The following DACH2 variants were observed in gnomAD, a reference collection of about 807,000 sequenced individuals.
DACH2 encodes the protein dachshund homolog 2.
DACH2 carries 17 observed loss-of-function variants against 35.8 expected under a neutral mutation model. The ratio of observed to expected loss-of-function variants is 0.48; its 90% CI spans 0.33 to 0.71. DACH2 has a LOEUF of 0.71. Among genes scored for constraint, DACH2 ranks in the 30% least tolerant of loss-of-function variants. The pLI is 0.02. For synonymous variants in DACH2, 195 were observed against 177.3 expected (o/e 1.10, Z -0.79); for missense variants, 469 against 472.7 (o/e 0.99, Z 0.07).
chrX:86,241,970 C>T (rs776050771), intron 1 of DACH2, among the ~76,000 whole-genome samples: 2 of 112,736 alleles, frequency 1.8e-5, no homozygotes, highest in Admixed American at 9.3e-5. Flanking sequence ...TCAGAGGATG[C>T]ATGGAAACAT....
At chrX:86,572,840 G>GT (rs2039388627) in intron 3 of DACH2, among the ~76,000 whole-genome samples, 1 of 111,016 alleles carries the variant, frequency 9.0e-6, no homozygotes. Context: ...CAGGAAGCTC[G>GT]TTTTTTTCAG....
intron 7 of DACH2, among the ~76,000 whole-genome samples, chrX:86,770,630 G>A (rs2041979428): frequency 8.9e-6 from 1 of 112,097 alleles, no homozygotes; most frequent in African/African-American, 3.2e-5. Flanking sequence ...TGACAAGGTT[G>A]AACTTTCAAA....
intron 3 of DACH2, among the ~76,000 whole-genome samples, chrX:86,601,921 C>A (rs1201885781): frequency 8.9e-6 from 1 of 111,803 alleles, no homozygotes; most frequent in Non-Finnish European, 1.9e-5. Flanking sequence ...TTAGAGTATA[C>A]CATTCTATAG....
chrX:86,248,003 A>G, intron 1 of DACH2, among the ~76,000 whole-genome samples: 1 of 111,104 alleles, frequency 9.0e-6, no homozygotes, highest in East Asian at 2.8e-4. Flanking sequence ...CCTTCATGAT[A>G]AAACTCTCAA....
In DACH2 at chrX:86,546,434, C is replaced by T. The variant is rs867764464; in HGVS notation, c.640+32043C>T. Among the ~76,000 whole-genome samples the T allele has an allele frequency of 3.3e-3, 93 of 28,440 alleles. 1 individual carries two copies. The highest frequency in any genetic ancestry group is 0.011 in the African/African-American group (84 of 7,623). The allele number at this position is 28,440 out of a possible 115,157, so 24.7% of individuals were successfully genotyped here. On this transcript the variant is annotated intron_variant, in intron 3 of 11. Coordinates refer to ENST00000373125, the MANE Select transcript of DACH2 (RefSeq NM_053281.3). Reference sequence around the variant, plus strand: ...TTCTTCTTCTTTCTTCTTCTTCTTCCTCTTCTTCTTCTTCCTCTTCCTCTT... The same window carrying T: ...TTCTTCTTCTTTCTTCTTCTTCTTCTTCTTCTTCTTCTTCCTCTTCCTCTT...
At chrX:86,638,647 A>G (rs1481065756) in intron 3 of DACH2, among the ~76,000 whole-genome samples, 2 of 112,476 alleles carry the variant, frequency 1.8e-5, no homozygotes, top group African/African-American at 6.5e-5. Context: ...GCAAACAAGC[A>G]TGTGAAAAAA....
At chrX:86,577,580 G>T in intron 3 of DACH2, among the ~76,000 whole-genome samples, 1 of 111,511 alleles carries the variant, frequency 9.0e-6, no homozygotes. Context: ...GGTCTTTAAT[G>T]ATTTCCTGGC....
At chrX:86,804,204 G>GCAT (rs1197960912) in intron 7 of DACH2, among the ~76,000 whole-genome samples, 1 of 111,633 alleles carries the variant, frequency 9.0e-6, no homozygotes, top group Non-Finnish European at 1.9e-5. Flanking sequence ...TATGATACTG[G>GCAT]CATCTGCTCA....
chrX:86,779,953 G>A (rs1010941014), intron 7 of DACH2, among the ~76,000 whole-genome samples: 6 of 110,792 alleles, frequency 5.4e-5, no homozygotes, highest in African/African-American at 2.0e-4. Flanking sequence ...CATGGACTAG[G>A]AACATCTCAT....
At chrX:86,552,114 G>A (rs1490128367) in intron 3 of DACH2, among the ~76,000 whole-genome samples, 4 of 111,337 alleles carry the variant, frequency 3.6e-5, no homozygotes, top group Non-Finnish European at 7.5e-5. Context: ...TGAGTGTCTT[G>A]GGGTTTCACA....
At chrX:86,658,735 T>C (rs1308480498) in intron 4 of DACH2, among the ~76,000 whole-genome samples, 1 of 111,851 alleles carries the variant, frequency 8.9e-6, no homozygotes, top group Non-Finnish European at 1.9e-5. Context: ...AAATTAGAAA[T>C]ATAGTTATAC....
intron 3 of DACH2, among the ~76,000 whole-genome samples, chrX:86,526,780 A>G (rs2038639834): frequency 9.1e-6 from 1 of 110,443 alleles, no homozygotes; most frequent in Non-Finnish European, 1.9e-5. Flanking sequence ...CATGATTAGT[A>G]GAAATGAAAA....
chrX:86,533,037 T>TTTATTTATTTATTTATTTATTTA (rs1569430903), intron 3 of DACH2, among the ~76,000 whole-genome samples: 85 of 111,164 alleles, frequency 7.6e-4, no homozygotes, highest in African/African-American at 2.7e-3. Flanking sequence ...ACTTACATTG[T>TTTATTTATTTATTTATTTATTTA]TTTATTTATT....
At chrX:86,556,785 TATATATATATAGAGAGAGAGAGAG>T (rs1234643146) in intron 3 of DACH2, among the ~76,000 whole-genome samples, 7 of 47,221 alleles carry the variant, frequency 1.5e-4, no homozygotes, top group African/African-American at 6.1e-4. Flanking sequence ...TATATATATA[TATATATATATAGAGAGAGAGAGAG>T]AGAGAGAGAG....
intron 1 of DACH2, among the ~76,000 whole-genome samples, chrX:86,158,309 G>A (rs188502690): frequency 5.4e-5 from 6 of 111,137 alleles, no homozygotes; most frequent in Non-Finnish European, 1.1e-4. Flanking sequence ...GTGTATGTGT[G>A]TTTTGTTTTT....
At chrX:86,724,156 T>A (rs1770162203) in intron 6 of DACH2, among the ~76,000 whole-genome samples, 1 of 111,744 alleles carries the variant, frequency 8.9e-6, no homozygotes, top group African/African-American at 3.2e-5. Context: ...ATGTTTTTTA[T>A]TCCTTTTAAT....
At chrX:86,639,230 C>T (rs746289986) in intron 3 of DACH2, among the ~76,000 whole-genome samples, 2 of 111,539 alleles carry the variant, frequency 1.8e-5, no homozygotes, top group African/African-American at 3.3e-5. Context: ...AAAGCAAGAC[C>T]GGAAAACAGC....
chrX:86,551,364 A>G (rs2039046349), intron 3 of DACH2, among the ~76,000 whole-genome samples: 1 of 112,009 alleles, frequency 8.9e-6, no homozygotes, highest in Non-Finnish European at 1.9e-5. Context: ...TAACTCATAC[A>G]GAATACTGCT....
intron 11 of DACH2, chrX:86,827,811 G>T: frequency 8.6e-7 from 1 of 1,160,416 alleles, no homozygotes; most frequent in Non-Finnish European, 1.2e-6. Flanking sequence ...GGCACGAATA[G>T]GGTGCTGTAG....
Sources: allele counts gnomAD v4.1 joint callset (sites outside exome capture counted in the v4.1 genomes callset), GRCh38; gene constraint gnomAD v4.1.1; transcripts MANE v1.5; gene names NCBI Gene and HGNC (gene_info 2026-07-23, HGNC 2026-07-21).